C10orf143: variants seen among roughly 807,000 people sequenced by gnomAD.
C10orf143 encodes the protein uncharacterized protein C10orf143.
chr10:130,075,215 C>G (rs781575565), intron 3 of C10orf143, among the ~76,000 whole-genome samples: 2 of 152,172 alleles, frequency 1.3e-5, no homozygotes, highest in Non-Finnish European at 2.9e-5. Flanking sequence ...TGGTAACTCC[C>G]TACCCGTTTG....
intron 1 of C10orf143, among the ~76,000 whole-genome samples, chr10:130,084,602 T>C (rs1230282143): frequency 3.3e-5 from 5 of 151,942 alleles, no homozygotes; most frequent in South Asian, 2.1e-4. Flanking sequence ...GACAGAGATA[T>C]AGAAATATAT....
intron 1 of C10orf143, chr10:130,107,230 C>T (rs1297297355): frequency 2.0e-5 from 26 of 1,311,688 alleles, no homozygotes; most frequent in Non-Finnish European, 2.5e-5. Flanking sequence ...TGAAACTCTA[C>T]AGGAAATTAA....
intron 1 of C10orf143, among the ~76,000 whole-genome samples, chr10:130,093,941 C>T (rs1428473253): frequency 1.3e-5 from 2 of 149,996 alleles, no homozygotes; most frequent in African/African-American, 2.5e-5. Flanking sequence ...ACCCGGGAGG[C>T]GGAGCTTGCA....
intron 3 of C10orf143, among the ~76,000 whole-genome samples, chr10:130,039,138 G>A (rs529766852): frequency 2.8e-4 from 42 of 151,718 alleles, no homozygotes; most frequent in Admixed American, 3.9e-4. Flanking sequence ...AGCTGGGAAC[G>A]GTGACACTAG....
At chr10:130,109,947 TGCAA>T (rs1302195926) in intron 1 of C10orf143, among the ~76,000 whole-genome samples, 1 of 152,096 alleles carries the variant, frequency 6.6e-6, no homozygotes, top group Non-Finnish European at 1.5e-5. Flanking sequence ...CTGGCCAATT[TGCAA>T]GCAGAGGTGG....
intron 3 of C10orf143, among the ~76,000 whole-genome samples, chr10:130,041,115 T>C (rs1231423075): frequency 1.3e-5 from 2 of 152,240 alleles, no homozygotes; most frequent in African/African-American, 4.8e-5. Context: ...GAATCCGTTC[T>C]ACTTCTCAGG....
At position 130,082,558 on chromosome 10, in the gene C10orf143, A is replaced by G. The variant is rs183146283; in HGVS notation, c.70-2657T>C. Among the ~76,000 whole-genome samples the G allele has an allele frequency of 3.2e-4, 48 of 152,290 alleles. No homozygotes were observed. The East Asian group carries it at 3.3e-3, about 10-fold the overall frequency. On this transcript the variant is annotated intron_variant, in intron 1 of 3. Transcript: ENST00000637128. ...GTCTCACGAGATCTGATGTTTTATA[A>G]GGGGCTTCCCTTTTGCTTGGTTCTC...
chr10:130,053,085 G>A (rs1860754671), intron 3 of C10orf143, among the ~76,000 whole-genome samples: 1 of 152,150 alleles, frequency 6.6e-6, no homozygotes, highest in African/African-American at 2.4e-5. Context: ...TTTGGAGATG[G>A]AGTCTTGCTC....
downstream of C10orf143, among the ~76,000 whole-genome samples, chr10:130,060,616 G>A (rs553516972): frequency 1.4e-5 from 2 of 147,408 alleles, no homozygotes; most frequent in East Asian, 4.3e-4. Context: ...AAGGTCAGGA[G>A]ATCGAGACCA....
chr10:130,062,961 C>G (rs1275022999), downstream of C10orf143, among the ~76,000 whole-genome samples: 1 of 149,126 alleles, frequency 6.7e-6, no homozygotes, highest in Non-Finnish European at 1.5e-5. Context: ...TAAGGGCAAA[C>G]CCCAAGGGCA....
chr10:130,047,071 G>A (rs1860684330), intron 3 of C10orf143, among the ~76,000 whole-genome samples: 1 of 152,250 alleles, frequency 6.6e-6, no homozygotes, highest in African/African-American at 2.4e-5. Context: ...ACAGTGGTCA[G>A]CTGGCTTGTC....
At chr10:130,044,043 G>A (rs991392701) in intron 3 of C10orf143, among the ~76,000 whole-genome samples, 1 of 152,078 alleles carries the variant, frequency 6.6e-6, no homozygotes, top group Admixed American at 6.5e-5. Flanking sequence ...GAGGGAGGAA[G>A]GGAGAGGGAG....
chr10:130,058,222 AC>A (rs1348579329), intron 3 of C10orf143, among the ~76,000 whole-genome samples: 5 of 151,928 alleles, frequency 3.3e-5, no homozygotes, highest in African/African-American at 1.2e-4. Flanking sequence ...CTACTCCACC[AC>A]CCCACAATCC....
chr10:130,055,172 C>A (rs1860781575), intron 3 of C10orf143, among the ~76,000 whole-genome samples: 1 of 151,812 alleles, frequency 6.6e-6, no homozygotes, highest in South Asian at 2.1e-4. Flanking sequence ...AGAAAAAAAA[C>A]AGAGAGAAGG....
chr10:130,050,600 A>G (rs1037773197), intron 3 of C10orf143, among the ~76,000 whole-genome samples: 2 of 152,198 alleles, frequency 1.3e-5, no homozygotes, highest in African/African-American at 4.8e-5. Flanking sequence ...AACGGGTAGT[A>G]AGGCCTTAAA....
At chr10:130,087,621 G>A (rs2134781657) in intron 1 of C10orf143, among the ~76,000 whole-genome samples, 1 of 152,306 alleles carries the variant, frequency 6.6e-6, no homozygotes, top group Non-Finnish European at 1.5e-5. Context: ...TCCTTTTCCG[G>A]AGGTGATGGT....
At chr10:130,048,424 T>C (rs72843816) in intron 3 of C10orf143, among the ~76,000 whole-genome samples, 22,013 of 152,170 alleles carry the variant, frequency 0.14, 2,167 homozygotes, top group Non-Finnish European at 0.21. Flanking sequence ...AGCCCCATCA[T>C]TACCTAGCCT....
chr10:130,059,672 G>A (rs1860833329), downstream of C10orf143, among the ~76,000 whole-genome samples: 1 of 152,140 alleles, frequency 6.6e-6, no homozygotes, highest in African/African-American at 2.4e-5. Flanking sequence ...TAAAACCTCA[G>A]GGAGATATAA....
At chr10:130,105,908 T>C (rs1273100472) in intron 1 of C10orf143, 3 of 366,778 alleles carry the variant, frequency 8.2e-6, no homozygotes, top group Non-Finnish European at 1.6e-5. Flanking sequence ...ATCCCCCAGC[T>C]CCCCCCCGCA....
Sources: gnomAD v4.1 joint callset for allele counts (sites outside exome capture counted in the v4.1 genomes callset) on GRCh38, gnomAD v4.1.1 for gene constraint, MANE v1.5 for transcripts, NCBI Gene and HGNC (gene_info 2026-07-23, HGNC 2026-07-21) for gene names.